CENPK: variants seen among roughly 807,000 people sequenced by gnomAD.
CENPK encodes the protein SoxLZ/Sox6-binding protein Solt.
In CENPK, 46 loss-of-function variants were observed where a neutral mutation model predicts 40.9. The observed-to-expected ratio is 1.13, with a 90% CI of 0.89 to 1.44. The LOEUF is 1.44. CENPK is among the 40% of genes most tolerant of loss of function. The probability of loss-of-function intolerance (pLI) is 0.00; values close to 1 mark genes in which losing one functional copy is unlikely to be tolerated. For synonymous variants in CENPK, 107 were observed against 104.4 expected (o/e 1.02, Z -0.15); for missense variants, 288 against 303.5 (o/e 0.95, Z 0.38).
At chr5:65,551,674 A>T in intron 4 of CENPK, 38 bp from the exon 5 acceptor site, 2 of 1,029,062 alleles carry the variant, frequency 1.9e-6, no homozygotes, top group Middle Eastern at 2.1e-4. Flanking sequence ...TCTGTGGACT[A>T]TTCATACCTA....
chr5:65,500,789 A>C, the CENPK span, among the ~76,000 whole-genome samples: 72 of 152,234 alleles, frequency 4.7e-4, no homozygotes, highest in East Asian at 0.011. Flanking sequence ...CAGCCTCCCC[A>C]GTAGCTGGGA....
chr5:65,522,306 G>C (rs939346771), intron 9 of CENPK, among the ~76,000 whole-genome samples: 1 of 152,148 alleles, frequency 6.6e-6, no homozygotes, highest in South Asian at 2.1e-4. Context: ...TCCTTGGAAC[G>C]ACGAGAATAA....
At chr5:65,520,836 T>G (rs1743592708) in intron 10 of CENPK, among the ~76,000 whole-genome samples, 1 of 152,202 alleles carries the variant, frequency 6.6e-6, no homozygotes. Context: ...TCATTTTCCT[T>G]TCTGCCCAAT....
chr5:65,525,244 A>C (rs1024772769), intron 9 of CENPK, among the ~76,000 whole-genome samples: 4 of 151,898 alleles, frequency 2.6e-5, no homozygotes, highest in Non-Finnish European at 5.9e-5. Context: ...GCGCACATGT[A>C]ATCCCAGCTA....
At chr5:65,558,237 CTT>C (rs772463936) in intron 2 of CENPK, among the ~76,000 whole-genome samples, 6 of 151,938 alleles carry the variant, frequency 3.9e-5, no homozygotes, top group Non-Finnish European at 8.8e-5. Context: ...TTAAAAGAGA[CTT>C]TTTCTTTTTT....
chr5:65,553,433 C>T (rs934918372), intron 3 of CENPK, among the ~76,000 whole-genome samples: 1 of 124,174 alleles, frequency 8.1e-6, no homozygotes, highest in African/African-American at 2.6e-5. Context: ...CCATCCTGGG[C>T]CGCAGGTTGG....
chr5:65,531,405 C>CT (rs35716247), intron 6 of CENPK, among the ~76,000 whole-genome samples: 50,795 of 142,964 alleles, frequency 0.36, 9,162 homozygotes, highest in East Asian at 0.58. Flanking sequence ...CAAAATTTGT[C>CT]TTTTTTTTTT....
chr5:65,528,135 G>A (rs368647758), intron 9 of CENPK, among the ~76,000 whole-genome samples: 3 of 152,130 alleles, frequency 2.0e-5, no homozygotes, highest in Non-Finnish European at 1.5e-5. Flanking sequence ...CAGCTACTCT[G>A]AAGGCTAAGG....
rs375237110 is a variant in CENPK, at chr5:65,527,233, C to T, written c.597+1219G>A. 9.9e-5 allele frequency among the ~76,000 whole-genome samples: 15 copies of T among 151,810 alleles called. 1 individual carries two copies. In the East Asian group the frequency reaches 1.6e-3, roughly 16 times the overall value. ...CCTCACCAGATCGGAAGGGTTTTAA[C>T]CTAGGCAGAAAAAATAGAATGTATA... is the stretch of plus-strand genomic sequence containing the variant. On this transcript the variant is annotated intron_variant, in intron 9 of 10. Transcript: ENST00000396679.
chr5:65,557,316 C>T (rs866889606), intron 2 of CENPK, among the ~76,000 whole-genome samples: 1 of 152,160 alleles, frequency 6.6e-6, no homozygotes, highest in Admixed American at 6.5e-5. Flanking sequence ...TTTCATCATT[C>T]CCCATCAAGA....
chr5:65,554,478 C>T (rs932639268), intron 3 of CENPK, among the ~76,000 whole-genome samples: 2 of 152,116 alleles, frequency 1.3e-5, no homozygotes, highest in South Asian at 2.1e-4. Context: ...ACCCCTTCAC[C>T]GGGTTTAGCA....
intron 6 of CENPK, among the ~76,000 whole-genome samples, chr5:65,530,290 T>TC (rs972951564): frequency 1.3e-5 from 2 of 151,606 alleles, no homozygotes; most frequent in Non-Finnish European, 2.9e-5. Context: ...CCAGCAATGG[T>TC]CAAGTGTCAT....
At chr5:65,540,197 A>C (rs1747718101) in intron 6 of CENPK, among the ~76,000 whole-genome samples, 1 of 152,190 alleles carries the variant, frequency 6.6e-6, no homozygotes, top group Non-Finnish European at 1.5e-5. Context: ...AATTTAAGTC[A>C]TTTTTAACTT....
At chr5:65,546,395 T>C (rs1289302224) in intron 5 of CENPK, among the ~76,000 whole-genome samples, 1 of 152,204 alleles carries the variant, frequency 6.6e-6, no homozygotes, top group Non-Finnish European at 1.5e-5. Flanking sequence ...TATGCTCCAT[T>C]CAATGAGTGA....
chr5:65,523,186 T>A (rs1744088072), intron 9 of CENPK, among the ~76,000 whole-genome samples: 1 of 152,220 alleles, frequency 6.6e-6, no homozygotes, highest in Admixed American at 6.5e-5. Context: ...TCCAACATAT[T>A]TACTATCTAG....
intron 9 of CENPK, among the ~76,000 whole-genome samples, chr5:65,523,874 T>G (rs962340968): frequency 6.6e-6 from 1 of 152,084 alleles, no homozygotes; most frequent in African/African-American, 2.4e-5. Context: ...CTCAGAATTC[T>G]CTATACCACA....
At chr5:65,551,689 T>A (rs1268166050) in intron 4 of CENPK, 53 bp from the exon 5 acceptor site, 2 of 958,576 alleles carry the variant, frequency 2.1e-6, no homozygotes, top group Non-Finnish European at 1.6e-6. Context: ...TACCTATTCA[T>A]AGATGAAAAT....
the CENPK span, among the ~76,000 whole-genome samples, chr5:65,510,420 G>A: frequency 6.6e-6 from 1 of 152,160 alleles, no homozygotes. Context: ...ACAAAATGTG[G>A]CAGTATTGAC....
intron 9 of CENPK, among the ~76,000 whole-genome samples, chr5:65,527,988 C>T (rs935132231): frequency 3.9e-5 from 6 of 152,144 alleles, no homozygotes; most frequent in Admixed American, 6.6e-5. Context: ...AGCATCTAAT[C>T]GTCCCACTTG....
Sources: gnomAD v4.1 joint callset for allele counts (sites outside exome capture counted in the v4.1 genomes callset) on GRCh38, gnomAD v4.1.1 for gene constraint, MANE v1.5 for transcripts, NCBI Gene and HGNC (gene_info 2026-07-23, HGNC 2026-07-21) for gene names.